ZSCAN5A: variants seen among roughly 807,000 people sequenced by gnomAD.
The protein encoded by ZSCAN5A is zinc finger and SCAN domain containing 5A, also known as zinc finger and SCAN domain-containing protein 5A.
A neutral mutation model predicts 23.7 loss-of-function variants in ZSCAN5A; 12 were observed. The ratio of observed to expected loss-of-function variants is 0.51; its 90% CI spans 0.32 to 0.82. The LOEUF (loss-of-function observed/expected upper bound fraction) is 0.82, where lower values mean the gene tolerates loss of function less well. Ranked by LOEUF, ZSCAN5A falls within the 40% of genes least tolerant of loss-of-function variation. The pLI is 0.03. For missense variants in ZSCAN5A, 597 were observed against 617.9 expected, an observed-to-expected ratio of 0.97 and a Z score of 0.36; for synonymous variants, 257 against 239.9, an observed-to-expected ratio of 1.07 and a Z score of -0.66.
At chr19:56,233,319 A>G (rs1288825400) in intron 2 of ZSCAN5A, among the ~76,000 whole-genome samples, 1 of 152,112 alleles carries the variant, frequency 6.6e-6, no homozygotes, top group Non-Finnish European at 1.5e-5. Flanking sequence ...CATTTAGTCC[A>G]AACATCATTG....
chr19:56,328,571 T>C (rs991476594), intron 2 of ZSCAN5A, among the ~76,000 whole-genome samples: 3 of 151,164 alleles, frequency 2.0e-5, no homozygotes, highest in African/African-American at 7.3e-5. Context: ...GAACCGAGGA[T>C]TGCAGTGAGC....
chr19:56,275,405 GTATT>G (rs1386561265), intron 2 of ZSCAN5A, among the ~76,000 whole-genome samples: 1 of 152,098 alleles, frequency 6.6e-6, no homozygotes, highest in African/African-American at 2.4e-5. Context: ...TTCAAGTACT[GTATT>G]TATTTATATC....
chr19:56,234,954 C>T, intron 2 of ZSCAN5A, among the ~76,000 whole-genome samples: 1 of 152,242 alleles, frequency 6.6e-6, no homozygotes, highest in Middle Eastern at 3.2e-3. Context: ...AAGGTAGAAG[C>T]AAAAGAACCG....
chr19:56,230,798 A>G (rs912177264), intron 2 of ZSCAN5A, among the ~76,000 whole-genome samples: 2 of 152,218 alleles, frequency 1.3e-5, no homozygotes, highest in African/African-American at 4.8e-5. Flanking sequence ...CTATTAGGTC[A>G]CTTACTGAAC....
At chr19:56,282,577 G>C in intron 2 of ZSCAN5A, 1 of 888,434 alleles carries the variant, frequency 1.1e-6, no homozygotes, top group Non-Finnish European at 1.3e-6. Flanking sequence ...GCTGAACTTC[G>C]ACTTACGTTT....
At chr19:56,321,249 T>C (rs1220628038) in intron 2 of ZSCAN5A, 3 of 670,048 alleles carry the variant, frequency 4.5e-6, no homozygotes, top group Non-Finnish European at 2.8e-6. Context: ...AGTTGGGGTA[T>C]CAGTAGTGCC....
chr19:56,273,518 T>C (rs150335703), intron 2 of ZSCAN5A, among the ~76,000 whole-genome samples: 1 of 152,156 alleles, frequency 6.6e-6, no homozygotes, highest in East Asian at 1.9e-4. Flanking sequence ...CATTCTAGTG[T>C]GGGGATTCGG....
At chr19:56,276,632 G>C (rs2147011676) in intron 2 of ZSCAN5A, among the ~76,000 whole-genome samples, 1 of 151,964 alleles carries the variant, frequency 6.6e-6, no homozygotes, top group African/African-American at 2.4e-5. Flanking sequence ...TGCCTCCTGG[G>C]TTCAAGCGAT....
At chr19:56,285,010 G>A in intron 2 of ZSCAN5A, 1 of 985,398 alleles carries the variant, frequency 1.0e-6, no homozygotes, top group Non-Finnish European at 1.2e-6. Flanking sequence ...CTCATGAGCA[G>A]ACTGTCACCG....
chr19:56,274,307 A>T (rs2038081969), intron 2 of ZSCAN5A, among the ~76,000 whole-genome samples: 1 of 152,034 alleles, frequency 6.6e-6, no homozygotes, highest in African/African-American at 2.4e-5. Flanking sequence ...TACAAAAATT[A>T]TCCAGGCATG....
chr19:56,303,072 T>C (rs2040451669), intron 2 of ZSCAN5A: 1 of 393,118 alleles, frequency 2.5e-6, no homozygotes. Flanking sequence ...ACACCTCTGC[T>C]GTGGGTTAAG....
intron 2 of ZSCAN5A, among the ~76,000 whole-genome samples, chr19:56,238,990 A>C (rs11669991): frequency 0.15 from 23,473 of 152,236 alleles, 1,942 homozygotes; most frequent in East Asian, 0.2. Context: ...ATTCTTAACA[A>C]GGAAAAATAT....
chr19:56,229,347 C>T (rs2034260150), intron 2 of ZSCAN5A, among the ~76,000 whole-genome samples: 1 of 152,082 alleles, frequency 6.6e-6, no homozygotes, highest in Middle Eastern at 3.2e-3. Context: ...TAGAACTTTC[C>T]TGATGTGTTG....
intron 2 of ZSCAN5A, among the ~76,000 whole-genome samples, chr19:56,358,043 T>C (rs762610607): frequency 6.7e-6 from 1 of 149,040 alleles, no homozygotes; most frequent in Non-Finnish European, 1.5e-5. Flanking sequence ...GTAAAAACTT[T>C]AATTCAGCAA....
intron 2 of ZSCAN5A, chr19:56,244,204 G>A (rs2035669756): frequency 6.8e-6 from 11 of 1,609,572 alleles, no homozygotes; most frequent in Admixed American, 1.7e-5. Flanking sequence ...GCTGCCCAGA[G>A]GAGTCGGACC....
chr19:56,246,633 G>A, intron 2 of ZSCAN5A: 2 of 719,270 alleles, frequency 2.8e-6, no homozygotes, highest in Non-Finnish European at 4.8e-6. Context: ...TTAAGGTTGA[G>A]GGGAAGTTGT....
rs1282036334 is a variant in ZSCAN5A at position 56,253,348 on chromosome 19, GA to G, written c.-127-28176del. ...CAGGGAGGAGGGGTGGAGGGGGAGA[GA>G]AAAAAAGATGGAGAGAGAAATTTGT... On this transcript the variant is annotated intron_variant, in intron 2 of 5. Coordinates refer to ENST00000683990, the MANE Select transcript of ZSCAN5A (RefSeq NM_001322064.3). Among the ~76,000 whole-genome samples, 47 of 151,434 alleles carry G rather than the reference GA, an allele frequency of 3.1e-4. No homozygotes were observed. The South Asian group carries it at 6.5e-3, about 21-fold the overall frequency.
At chr19:56,261,462 C>A (rs951869837) in intron 2 of ZSCAN5A, among the ~76,000 whole-genome samples, 1 of 152,116 alleles carries the variant, frequency 6.6e-6, no homozygotes. Flanking sequence ...CAAGCATGGC[C>A]CCCACTGGTG....
intron 2 of ZSCAN5A, chr19:56,304,953 A>G (rs535681126): frequency 4.3e-6 from 1 of 233,386 alleles, no homozygotes; most frequent in Non-Finnish European, 7.0e-6. Flanking sequence ...AATCATAGAA[A>G]CCCAGAATTC....
Sources: gnomAD v4.1 joint callset for allele counts (sites outside exome capture counted in the v4.1 genomes callset) on GRCh38, gnomAD v4.1.1 for gene constraint, MANE v1.5 for transcripts, NCBI Gene and HGNC (gene_info 2026-07-23, HGNC 2026-07-21) for gene names.